The following CSMD2 variants were observed in gnomAD, a reference collection of about 807,000 sequenced individuals.
CSMD2 encodes the protein CUB and sushi domain-containing protein 2.
Under a neutral mutation model 398.5 loss-of-function variants are expected in CSMD2, and 130 were observed. The ratio of observed to expected loss-of-function variants is 0.33; its 90% CI spans 0.28 to 0.38. CSMD2 has a LOEUF of 0.38. Among genes scored for constraint, CSMD2 ranks in the 10% least tolerant of loss-of-function variants. The pLI, the probability that CSMD2 is intolerant of heterozygous loss-of-function variation, is 1.00. For missense variants in CSMD2, 3,829 were observed against 4,764.9 expected, an observed-to-expected ratio of 0.80 and a Z score of 5.78; for synonymous variants, 1,828 against 1,908.5, an observed-to-expected ratio of 0.96 and a Z score of 1.10.
chr1:34,054,706 C>A (rs1463019614), intron 2 of CSMD2, among the ~76,000 whole-genome samples: 1 of 152,168 alleles, frequency 6.6e-6, no homozygotes, highest in East Asian at 1.9e-4. Context: ...CGCCACTGCA[C>A]TCTAGGCTGG....
At chr1:33,694,724 G>A (rs1319768812) in intron 24 of CSMD2, among the ~76,000 whole-genome samples, 1 of 152,188 alleles carries the variant, frequency 6.6e-6, no homozygotes, top group Non-Finnish European at 1.5e-5. Context: ...AGCAGTGTGA[G>A]AACAGACTAA....
At chr1:33,727,449 C>T (rs1376138424) in intron 15 of CSMD2, among the ~76,000 whole-genome samples, 1 of 152,216 alleles carries the variant, frequency 6.6e-6, no homozygotes, top group Non-Finnish European at 1.5e-5. Flanking sequence ...AGACCCTCAG[C>T]CCCTAAGGTA....
chr1:33,665,117 T>A (rs1192367794), intron 25 of CSMD2, among the ~76,000 whole-genome samples: 2 of 152,240 alleles, frequency 1.3e-5, no homozygotes, highest in African/African-American at 4.8e-5. Flanking sequence ...AAATTCTTTA[T>A]CCATCTTAAT....
chr1:33,722,450 T>C (rs533114792), intron 19 of CSMD2, among the ~76,000 whole-genome samples: 18 of 152,378 alleles, frequency 1.2e-4, no homozygotes, highest in African/African-American at 4.1e-4. Flanking sequence ...CCCCAGACTG[T>C]TACAATTTTC....
chr1:33,732,504 G>C (rs1157332789), intron 15 of CSMD2, among the ~76,000 whole-genome samples: 1 of 152,204 alleles, frequency 6.6e-6, no homozygotes, highest in Non-Finnish European at 1.5e-5. Context: ...AGGAAAACAG[G>C]CCACGTGAGA....
Position 33,616,909 on chromosome 1 carries a change from T to C in CSMD2, c.6013A>G (p.Ile2005Val). Reference sequence around the variant, plus strand: ...TGTAAAGTCTGGGCTGTCTTACCAATACAGAGTGGAGGAGGGTAGTTCCAT... The same window carrying C: ...TGTAAAGTCTGGGCTGTCTTACCAACACAGAGTGGAGGAGGGTAGTTCCAT... ...RRWNYPPPLCIAQCGGTVEEM... is the reference protein window; with the variant it reads ...RRWNYPPPLCVAQCGGTVEEM... Residue 2005 changes from isoleucine (I) to valine (V), a missense_variant, in exon 39 of 71, where the codon ATT becomes GTT. By Grantham distance (29) the Ile-to-Val change is conservative. This residue lies in a region of CSMD2 where 2,001 missense variants were observed against 2,567.1 expected (regional missense o/e 0.78). Coordinates refer to ENST00000373381, the MANE Select transcript of CSMD2 (RefSeq NM_001281956.2). 2 of 1,613,710 alleles carry C rather than the reference T, an allele frequency of 1.2e-6. No homozygotes were observed. Among genetic ancestry groups the C allele is most frequent in the East Asian group, 2.2e-5 (1 of 44,882 alleles).
chr1:33,656,401 A>T (rs1433553826), intron 27 of CSMD2, among the ~76,000 whole-genome samples: 1 of 152,164 alleles, frequency 6.6e-6, no homozygotes, highest in Non-Finnish European at 1.5e-5. Context: ...GTAGTGAAGA[A>T]CTCAGCTGGA....
At position 34,086,020 on chromosome 1, in the gene CSMD2, GA is replaced by G. The variant is rs146332740; in HGVS notation, c.404+2956del. ...TGCAAATGAAATCTTAAGTTTCCTG[GA>G]AAAAAAAAAAAAAAGAAAGAAAGAA... On this transcript the variant is annotated intron_variant, in intron 2 of 70. Transcript: ENST00000373381. Among the ~76,000 whole-genome samples the G allele has an allele frequency of 2.1e-3, 275 of 130,056 alleles. 1 individual carries two copies. Among genetic ancestry groups the G allele is most frequent in the Middle Eastern group, 8.2e-3 (2 of 244 alleles). The allele number at this position is 130,056 out of a possible 152,430, so 85.3% of individuals were successfully genotyped here.
At chr1:33,983,847 G>A (rs528284743) in intron 3 of CSMD2, among the ~76,000 whole-genome samples, 2 of 152,196 alleles carry the variant, frequency 1.3e-5, no homozygotes, top group East Asian at 3.9e-4. Flanking sequence ...ACCATAACCA[G>A]GGGTGTTATG....
chr1:33,994,352 CCT>C (rs144105221), intron 3 of CSMD2, among the ~76,000 whole-genome samples: 1,727 of 152,120 alleles, frequency 0.011, 59 homozygotes, highest in East Asian at 0.11. Context: ...CTGTCTTCCC[CCT>C]GATGAGTCCC....
chr1:33,705,707 T>C (rs1292295136), intron 22 of CSMD2, among the ~76,000 whole-genome samples: 2 of 151,996 alleles, frequency 1.3e-5, no homozygotes, highest in Non-Finnish European at 2.9e-5. Context: ...ATCTGAGCTT[T>C]CAGATTTCTT....
intron 1 of CSMD2, among the ~76,000 whole-genome samples, chr1:34,137,157 C>A (rs1449092260): frequency 2.0e-5 from 3 of 152,042 alleles, no homozygotes; most frequent in Non-Finnish European, 4.4e-5. Flanking sequence ...TTCCATCACC[C>A]ACTATCTCTA....
Position 33,571,732 on chromosome 1 carries a change from GA to G in CSMD2, c.7763-7del. ...GACATCAGGACAAGTCACAGCTGGG[GA>G]AATGAGGAAAAGAAAGGAGGATTAA... On this transcript the variant is annotated splice_polypyrimidine_tract_variant and splice_region_variant and intron_variant, in intron 50 of 70. Coordinates refer to ENST00000373381, the MANE Select transcript of CSMD2 (RefSeq NM_001281956.2). 2.1e-6 allele frequency: 3 copies of G among 1,458,918 alleles called. No homozygotes were observed. Among genetic ancestry groups the G allele is most frequent in the South Asian group, 1.6e-5 (1 of 63,224 alleles). The allele number at this position is 1,458,918 out of a possible 1,614,324, so 90.4% of individuals were successfully genotyped here. A position where few individuals can be genotyped will look rare whatever the true frequency, so the allele number is the denominator to read the frequency against.
At chr1:34,047,589 C>T (rs1290180890) in intron 2 of CSMD2, among the ~76,000 whole-genome samples, 1 of 152,170 alleles carries the variant, frequency 6.6e-6, no homozygotes, top group Non-Finnish European at 1.5e-5. Context: ...ACTTAGTTCA[C>T]TTATCTAACC....
At chr1:33,951,969 C>T (rs935674605) in intron 3 of CSMD2, among the ~76,000 whole-genome samples, 2 of 152,236 alleles carry the variant, frequency 1.3e-5, no homozygotes. Flanking sequence ...TTTCAAGACT[C>T]AGTTCAAATG....
At chr1:33,728,801 C>T (rs866345825) in intron 15 of CSMD2, among the ~76,000 whole-genome samples, 1 of 152,162 alleles carries the variant, frequency 6.6e-6, no homozygotes, top group Admixed American at 6.5e-5. Context: ...GTTTTATAGG[C>T]GGGGATTATT....
chr1:33,790,669 ATCTATCTATC>A, intron 11 of CSMD2, among the ~76,000 whole-genome samples: 1 of 82,316 alleles, frequency 1.2e-5, no homozygotes, highest in Non-Finnish European at 2.5e-5. Flanking sequence ...CTGTCTATCT[ATCTATCTATC>A]TATCTATCTA....
intron 64 of CSMD2, 117 bp downstream of exon 64, chr1:33,532,933 G>T: frequency 1.0e-6 from 1 of 978,442 alleles, no homozygotes. Flanking sequence ...AATCAGAAGC[G>T]GGATCCAGCT....
rs984703691 is a variant in CSMD2 at position 33,624,436 on chromosome 1, C to A, written c.5625+83G>T. 2 of 1,549,702 alleles carry A rather than the reference C, an allele frequency of 1.3e-6. No homozygotes were observed. Among genetic ancestry groups the A allele is most frequent in the South Asian group, 2.4e-5 (2 of 83,616 alleles). On this transcript the variant is annotated intron_variant, in intron 35 of 70. Transcript: ENST00000373381. The surrounding 1 kb of genome is among the most constrained non-coding windows in gnomAD (Gnocchi z 4.7). ...ACCCTGACTCAGGCCTTGGCACCAG[C>A]CAGCACCTGTGGTTGTCACCTGTGA...
Sources: allele counts gnomAD v4.1 joint callset (sites outside exome capture counted in the v4.1 genomes callset), GRCh38; gene constraint gnomAD v4.1.1; regional missense constraint gnomAD v4.1.1; non-coding constraint Gnocchi (gnomAD v3.1); transcripts MANE v1.5; gene names NCBI Gene and HGNC (gene_info 2026-07-23, HGNC 2026-07-21).